Variants in FNBP1 observed in about 807,000 individuals in gnomAD.
FNBP1 encodes the protein formin binding protein 1.
Under a neutral mutation model 90.6 loss-of-function variants are expected in FNBP1, and 26 were observed. The observed-to-expected ratio is 0.29, with a 90% CI of 0.21 to 0.40. The LOEUF (loss-of-function observed/expected upper bound fraction) is 0.40, where lower values mean the gene tolerates loss of function less well. FNBP1 is among the 10% of genes least tolerant of loss of function. The pLI is 1.00. For missense variants in FNBP1, 635 were observed against 768.0 expected (o/e 0.83, Z 2.05); for synonymous variants, 260 against 265.2 (o/e 0.98, Z 0.19).
At chr9:129,934,920 T>G (rs997390708) in intron 6 of FNBP1, among the ~76,000 whole-genome samples, 4 of 152,036 alleles carry the variant, frequency 2.6e-5, no homozygotes, top group Non-Finnish European at 5.9e-5. Flanking sequence ...ATTCTCAATA[T>G]CATTATGGAA....
intron 6 of FNBP1, among the ~76,000 whole-genome samples, chr9:129,947,601 G>A (rs544056629): frequency 8.6e-5 from 13 of 151,896 alleles, no homozygotes; most frequent in Non-Finnish European, 1.5e-4. Flanking sequence ...AATACTTCAC[G>A]ACTTAGGAAT....
In FNBP1 at chr9:129,960,398, AAAAAAGAAAAAGAAAAAG is replaced by A. The variant is rs1226735948; in HGVS notation, c.346-1863_346-1846del. Among the ~76,000 whole-genome samples the A allele has an allele frequency of 7.8e-3, 1,028 of 132,158 alleles. 15 individuals carry two copies. Among genetic ancestry groups the A allele is most frequent in the African/African-American group, 0.026 (976 of 38,114 alleles). 86.7% of individuals were successfully genotyped at this position (132,158 alleles called of 152,430 possible). Reference sequence around the variant, plus strand: ...GACTCCATCTCAAAAAAAAAAAAAAAAAAAAGAAAAAGAAAAAGAAAAAGAAAAAGAAAATTGCTGCTA... The same window carrying A: ...GACTCCATCTCAAAAAAAAAAAAAAAAAAAAGAAAAAGAAAATTGCTGCTA... On this transcript the variant is annotated intron_variant, in intron 4 of 16. Coordinates refer to ENST00000446176, the MANE Select transcript of FNBP1 (RefSeq NM_015033.3).
In FNBP1 at chr9:129,890,984, A is replaced by C. The variant is rs1007856536; in HGVS notation, c.1847-438T>G. On this transcript the variant is annotated intron_variant, in intron 16 of 16. Coordinates refer to ENST00000446176, the MANE Select transcript of FNBP1 (RefSeq NM_015033.3). The surrounding 1 kb of genome is among the most constrained non-coding windows in gnomAD (Gnocchi z 5.8). ...AGCCTGGCTAACATGGTGAAAACCC[A>C]TCTCTATTAAAAATACAACAATTAG... Among the ~76,000 whole-genome samples, 6 of 151,774 alleles carry C rather than the reference A, an allele frequency of 4.0e-5. No individual in the cohort carries two copies. The highest frequency in any genetic ancestry group is 3.9e-4 in the Admixed American group (6 of 15,268).
At chr9:130,033,556 G>A (rs1411874913) in intron 1 of FNBP1, among the ~76,000 whole-genome samples, 2 of 152,108 alleles carry the variant, frequency 1.3e-5, no homozygotes, top group African/African-American at 4.8e-5. Flanking sequence ...CCTGAATGTC[G>A]GCCAGGCATG....
chr9:129,937,222 C>A (rs1245079154), intron 6 of FNBP1, among the ~76,000 whole-genome samples: 1 of 151,794 alleles, frequency 6.6e-6, no homozygotes, highest in South Asian at 2.1e-4. Flanking sequence ...TAGTCTTTGA[C>A]CCAAAAATTC....
chr9:130,040,569 C>T (rs184939764), intron 1 of FNBP1, among the ~76,000 whole-genome samples: 274 of 147,084 alleles, frequency 1.9e-3, no homozygotes, highest in African/African-American at 6.5e-3. Context: ...TGCAGTGAGC[C>T]GAGATCACGC....
chr9:129,982,974 T>C (rs1184266364), intron 2 of FNBP1, among the ~76,000 whole-genome samples: 1 of 152,212 alleles, frequency 6.6e-6, no homozygotes, highest in Non-Finnish European at 1.5e-5. Flanking sequence ...TACTGCATGA[T>C]TTTAAATATT....
chr9:129,965,022 T>A (rs1428855771), intron 4 of FNBP1, among the ~76,000 whole-genome samples: 1 of 152,164 alleles, frequency 6.6e-6, no homozygotes, highest in Non-Finnish European at 1.5e-5. Context: ...AACATGCCTG[T>A]GACAAATCCT....
Position 129,903,865 on chromosome 9 carries a change from C to G in FNBP1, c.1296-864G>C, listed in dbSNP as rs189853612. 2.0e-5 allele frequency among the ~76,000 whole-genome samples: 3 copies of G among 152,106 alleles called. No individual in the cohort carries two copies. In the East Asian group the frequency reaches 5.8e-4, roughly 29 times the overall value. ...AAGTATTTCCAACATGGTGAAACCC[C>G]GTCTCTACTAAAATTACAAAAATTA... On this transcript the variant is annotated intron_variant, in intron 12 of 16. Coordinates refer to ENST00000446176, the MANE Select transcript of FNBP1 (RefSeq NM_015033.3).
At chr9:130,030,475 A>G (rs922980880) in intron 1 of FNBP1, among the ~76,000 whole-genome samples, 1 of 151,948 alleles carries the variant, frequency 6.6e-6, no homozygotes, top group Non-Finnish European at 1.5e-5. Context: ...TAACTGTGCT[A>G]TAGTCTGCCT....
At chr9:129,967,520 A>T (rs1308790028) in intron 4 of FNBP1, among the ~76,000 whole-genome samples, 2 of 152,094 alleles carry the variant, frequency 1.3e-5, no homozygotes, top group African/African-American at 4.8e-5. Context: ...TCTCAGAAAA[A>T]AAAAAAGTTT....
At chr9:129,910,183 A>G (rs1040432371) in intron 11 of FNBP1, 2 of 456,134 alleles carry the variant, frequency 4.4e-6, no homozygotes, top group African/African-American at 4.0e-5. Flanking sequence ...CTATGTTCAT[A>G]AAGAGAGAGA....
At chr9:129,911,237 C>T (rs1208972375) in intron 11 of FNBP1, among the ~76,000 whole-genome samples, 1 of 152,172 alleles carries the variant, frequency 6.6e-6, no homozygotes, top group Non-Finnish European at 1.5e-5. Flanking sequence ...CTGACCTCCA[C>T]GTGCCCTTCT....
Position 129,900,303 on chromosome 9 carries a change from A to C in FNBP1, c.1550+123T>G. The C allele has an allele frequency of 1.7e-6, 2 of 1,183,758 alleles. No homozygotes were observed. 73.3% of individuals were successfully genotyped at this position (1,183,758 alleles called of 1,614,324 possible). ...GCATCATGGAAAAAGTGACAGGTCAATCGCAACAGACATTTTGGCATTGAA... is the reference window on the plus strand; with the variant it reads ...GCATCATGGAAAAAGTGACAGGTCACTCGCAACAGACATTTTGGCATTGAA... On this transcript the variant is annotated intron_variant, in intron 14 of 16. Coordinates refer to ENST00000446176, the MANE Select transcript of FNBP1 (RefSeq NM_015033.3). This position sits in a 1 kb window ranked among gnomAD's most constrained non-coding sequence, Gnocchi z 4.1.
intron 7 of FNBP1, among the ~76,000 whole-genome samples, chr9:129,928,362 T>C (rs2042221644): frequency 6.6e-6 from 1 of 152,160 alleles, no homozygotes; most frequent in South Asian, 2.1e-4. Context: ...CACAGAATCA[T>C]AGTTTAAGAC....
chr9:129,890,669 G>A lies in FNBP1; in HGVS notation c.1847-123C>T. On this transcript the variant is annotated intron_variant, in intron 16 of 16. Transcript: ENST00000446176. The surrounding 1 kb of genome is among the most constrained non-coding windows in gnomAD (Gnocchi z 5.8). ...CCTGGGAGGGGAGGGTAGTGGGAGGGGAGGGATGGGAGGGGGCGTCTTAGA... is the reference window on the plus strand; with the variant it reads ...CCTGGGAGGGGAGGGTAGTGGGAGGAGAGGGATGGGAGGGGGCGTCTTAGA... 1.5e-6 allele frequency: 1 copy of A among 687,016 alleles called. No homozygotes were observed. The highest frequency in any genetic ancestry group is 2.7e-6 in the Non-Finnish European group (1 of 375,404). 42.6% of individuals were successfully genotyped at this position (687,016 alleles called of 1,614,324 possible).
chr9:129,928,519 G>A (rs1455420668), intron 7 of FNBP1, among the ~76,000 whole-genome samples: 2 of 152,112 alleles, frequency 1.3e-5, no homozygotes, highest in Non-Finnish European at 2.9e-5. Flanking sequence ...AAGGTAGCCA[G>A]GTATGGTGGC....
chr9:129,990,164 C>T (rs989531717), intron 2 of FNBP1, among the ~76,000 whole-genome samples: 3 of 151,980 alleles, frequency 2.0e-5, no homozygotes, highest in Non-Finnish European at 1.5e-5. Context: ...CATTCTGCAG[C>T]GTATACATAT....
intron 6 of FNBP1, among the ~76,000 whole-genome samples, chr9:129,954,583 C>T (rs948268705): frequency 9.2e-5 from 14 of 151,634 alleles, no homozygotes; most frequent in African/African-American, 3.2e-4. Flanking sequence ...TAATTGACCA[C>T]GTTAATGAAT....
Sources: gnomAD v4.1 joint callset for allele counts (sites outside exome capture counted in the v4.1 genomes callset) on GRCh38, gnomAD v4.1.1 for gene constraint, Gnocchi (gnomAD v3.1) non-coding constraint, MANE v1.5 for transcripts, NCBI Gene and HGNC (gene_info 2026-07-23, HGNC 2026-07-21) for gene names.